Variants in RNGTT observed in about 807,000 individuals in gnomAD.
RNGTT encodes mRNA-capping enzyme.
A neutral mutation model predicts 79.3 loss-of-function variants in RNGTT; 33 were observed. The observed-to-expected ratio is 0.42, with a 90% CI of 0.32 to 0.56. RNGTT has a LOEUF of 0.56. RNGTT is among the 20% of genes least tolerant of loss of function. The probability of loss-of-function intolerance (pLI) is 0.17; values close to 1 mark genes in which losing one functional copy is unlikely to be tolerated. For synonymous variants in RNGTT, 222 were observed against 235.9 expected, an observed-to-expected ratio of 0.94 and a Z score of 0.54; for missense variants, 497 against 739.1, an observed-to-expected ratio of 0.67 and a Z score of 3.80.
At chr6:88,801,535 AAC>A (rs143372586) in intron 12 of RNGTT, 27 bp downstream of exon 12, 2,798 of 1,490,636 alleles carry the variant, frequency 1.9e-3, no homozygotes, top group Non-Finnish European at 2.0e-3. Context: ...CACACAAACG[AAC>A]ACACACACAC....
chr6:88,933,484 GT>G (rs796733229), intron 2 of RNGTT, among the ~76,000 whole-genome samples: 3,330 of 146,416 alleles, frequency 0.023, 115 homozygotes, highest in African/African-American at 0.078. Context: ...CATGAGATCA[GT>G]TTTTTTTTTT....
intron 14 of RNGTT, among the ~76,000 whole-genome samples, chr6:88,646,512 TA>T (rs1397691143): frequency 6.6e-6 from 1 of 152,188 alleles, no homozygotes; most frequent in Non-Finnish European, 1.5e-5. Flanking sequence ...CAAAGGAATA[TA>T]AATCATGCTG....
intron 10 of RNGTT, among the ~76,000 whole-genome samples, chr6:88,847,951 C>T (rs1347863358): frequency 6.6e-6 from 1 of 150,954 alleles, no homozygotes; most frequent in Admixed American, 6.6e-5. Flanking sequence ...AAAATACAAA[C>T]AAATAAAAAT....
intron 14 of RNGTT, among the ~76,000 whole-genome samples, chr6:88,640,585 C>T (rs1436058051): frequency 7.3e-6 from 1 of 136,298 alleles, no homozygotes; most frequent in East Asian, 2.1e-4. Flanking sequence ...AAAAGAGCAA[C>T]AAAAATAACT....
At chr6:88,708,541 G>C (rs1776217271) in intron 13 of RNGTT, among the ~76,000 whole-genome samples, 2 of 152,038 alleles carry the variant, frequency 1.3e-5, no homozygotes, top group African/African-American at 4.8e-5. Flanking sequence ...GGTAGCTCCA[G>C]CTCCAGCCTT....
At chr6:88,852,255 C>T (rs2127906787) in intron 9 of RNGTT, among the ~76,000 whole-genome samples, 1 of 152,158 alleles carries the variant, frequency 6.6e-6, no homozygotes, top group East Asian at 1.9e-4. Flanking sequence ...AAGCAATACC[C>T]GTACTCTTGG....
intron 11 of RNGTT, among the ~76,000 whole-genome samples, chr6:88,840,309 A>AG (rs1273804943): frequency 6.6e-6 from 1 of 152,226 alleles, no homozygotes; most frequent in African/African-American, 2.4e-5. Context: ...AAAATACTTC[A>AG]GTAAGAGACA....
chr6:88,894,239 T>C (rs1224852556), intron 6 of RNGTT, among the ~76,000 whole-genome samples: 2 of 152,126 alleles, frequency 1.3e-5, no homozygotes, highest in African/African-American at 4.8e-5. Context: ...ATCCTGTATT[T>C]CCCTCCCTGG....
intron 14 of RNGTT, among the ~76,000 whole-genome samples, chr6:88,662,698 C>A (rs922027969): frequency 6.6e-6 from 1 of 152,208 alleles, no homozygotes; most frequent in Non-Finnish European, 1.5e-5. Context: ...AGGACTCCGG[C>A]GAGCTTAAGC....
intron 14 of RNGTT, among the ~76,000 whole-genome samples, chr6:88,656,315 C>T (rs1773975632): frequency 1.3e-5 from 2 of 152,124 alleles, no homozygotes; most frequent in South Asian, 4.1e-4. Flanking sequence ...TAGTATAAAA[C>T]TACAGTTGTG....
chr6:88,958,187 G>C (rs1432606245), intron 1 of RNGTT, among the ~76,000 whole-genome samples: 3 of 152,166 alleles, frequency 2.0e-5, no homozygotes, highest in African/African-American at 4.8e-5. Context: ...GTAGAAGAAT[G>C]AAACTCATCT....
intron 8 of RNGTT, among the ~76,000 whole-genome samples, chr6:88,855,466 T>C (rs888300874): frequency 5.9e-5 from 9 of 151,554 alleles, no homozygotes; most frequent in African/African-American, 2.2e-4. Flanking sequence ...GTGAAGTATG[T>C]TGTTCTTTGC....
chr6:88,633,266 A>T (rs1438553843), intron 14 of RNGTT, among the ~76,000 whole-genome samples: 2 of 149,510 alleles, frequency 1.3e-5, no homozygotes, highest in East Asian at 3.9e-4. Flanking sequence ...GTATGTGTAG[A>T]AAAAAAAAAG....
chr6:88,758,148 A>G (rs1030456547), intron 13 of RNGTT, among the ~76,000 whole-genome samples: 11 of 152,182 alleles, frequency 7.2e-5, no homozygotes, highest in African/African-American at 2.4e-4. Context: ...TAAAAGGTCA[A>G]TGCTCCCTCC....
intron 11 of RNGTT, among the ~76,000 whole-genome samples, chr6:88,819,882 A>T (rs1780443723): frequency 6.6e-6 from 1 of 152,082 alleles, no homozygotes; most frequent in Non-Finnish European, 1.5e-5. Flanking sequence ...ACAGCTGCGG[A>T]TCTTTATTTC....
intron 11 of RNGTT, among the ~76,000 whole-genome samples, chr6:88,815,523 A>C (rs1208996170): frequency 6.6e-6 from 1 of 152,216 alleles, no homozygotes; most frequent in African/African-American, 2.4e-5. Context: ...CCCAAACTTG[A>C]GGCTGGTATC....
intron 11 of RNGTT, among the ~76,000 whole-genome samples, chr6:88,802,014 G>T (rs1779806356): frequency 6.6e-6 from 1 of 152,082 alleles, no homozygotes; most frequent in South Asian, 2.1e-4. Context: ...AGTGAAAGTA[G>T]AAACTCTGGA....
At chr6:88,744,680 CTATGA>C (rs66750671) in intron 13 of RNGTT, among the ~76,000 whole-genome samples, 21,042 of 152,024 alleles carry the variant, frequency 0.14, 1,578 homozygotes, top group Middle Eastern at 0.24. Flanking sequence ...GTTTTTTATG[CTATGA>C]TATGAGGTTG....
intron 14 of RNGTT, among the ~76,000 whole-genome samples, chr6:88,672,563 G>C (rs1387159771): frequency 6.6e-6 from 1 of 152,056 alleles, no homozygotes; most frequent in Non-Finnish European, 1.5e-5. Context: ...GGGAAGTGTG[G>C]GATGAGGGTG....
Sources: gnomAD v4.1 joint callset for allele counts (sites outside exome capture counted in the v4.1 genomes callset) on GRCh38, gnomAD v4.1.1 for gene constraint, MANE v1.5 for transcripts, NCBI Gene and HGNC (gene_info 2026-07-23, HGNC 2026-07-21) for gene names.